The following UBE2E2 variants were observed in gnomAD, a reference collection of about 807,000 sequenced individuals.
The protein encoded by UBE2E2 is ubiquitin conjugating enzyme E2 E2, also known as ubiquitin-conjugating enzyme E2 E2.
UBE2E2 carries 6 observed loss-of-function variants against 24.7 expected under a neutral mutation model. The ratio of observed to expected loss-of-function variants is 0.24; its 90% CI spans 0.13 to 0.48. The LOEUF (loss-of-function observed/expected upper bound fraction) is 0.48. UBE2E2 is among the 20% of genes least tolerant of loss of function. The probability of loss-of-function intolerance (pLI) is 0.99; values close to 1 mark genes in which losing one functional copy is unlikely to be tolerated. For missense variants in UBE2E2, 169 were observed against 245.0 expected (o/e 0.69, Z 2.07); for synonymous variants, 104 against 83.6 (o/e 1.24, Z -1.33).
At chr3:23,357,646 T>C (rs1242821978) in intron 3 of UBE2E2, among the ~76,000 whole-genome samples, 3 of 152,180 alleles carry the variant, frequency 2.0e-5, no homozygotes, top group African/African-American at 7.2e-5. Flanking sequence ...TATCAGCAGC[T>C]TCTGTTTCCA....
chr3:23,349,999 C>G lies in UBE2E2; in HGVS notation c.227+132687C>G, dbSNP rs570681455. 2.0e-5 allele frequency among the ~76,000 whole-genome samples: 3 copies of G among 152,318 alleles called. 1 individual carries two copies. In the South Asian group the frequency reaches 6.2e-4, roughly 32 times the overall value. On this transcript the variant is annotated intron_variant, in intron 3 of 5. Transcript: ENST00000396703. ...GGAGGCAACCCCCAGTAGGGGCACA[C>G]TGACACCTCACACGGCCAGGTACTC... is the stretch of plus-strand genomic sequence containing the variant.
At chr3:23,538,286 TTCTG>T (rs1295829188) in intron 5 of UBE2E2, among the ~76,000 whole-genome samples, 36 of 152,274 alleles carry the variant, frequency 2.4e-4, no homozygotes, top group Non-Finnish European at 4.9e-4. Context: ...TTCTGTCAAC[TTCTG>T]TCTACCTGCT....
At chr3:23,226,766 A>C (rs577326975) in intron 3 of UBE2E2, among the ~76,000 whole-genome samples, 1 of 152,300 alleles carries the variant, frequency 6.6e-6, no homozygotes, top group South Asian at 2.1e-4. Context: ...AGGGTGTTAA[A>C]ATTACCAGTT....
chr3:23,252,680 A>G (rs941133316), intron 3 of UBE2E2, among the ~76,000 whole-genome samples: 6 of 152,126 alleles, frequency 3.9e-5, no homozygotes, highest in Admixed American at 6.5e-5. Flanking sequence ...TATTTTTAGT[A>G]GAGACGAGGT....
intron 5 of UBE2E2, among the ~76,000 whole-genome samples, chr3:23,549,964 C>T (rs1016056521): frequency 1.3e-5 from 2 of 150,428 alleles, no homozygotes; most frequent in Admixed American, 6.7e-5. Flanking sequence ...ACCTAGGAGG[C>T]GCAGGCTGTA....
At chr3:23,494,948 T>C (rs1699572424) in intron 3 of UBE2E2, among the ~76,000 whole-genome samples, 1 of 151,798 alleles carries the variant, frequency 6.6e-6, no homozygotes, top group African/African-American at 2.4e-5. Context: ...ATTTTTGTAT[T>C]TTTTTTAGTA....
intron 3 of UBE2E2, among the ~76,000 whole-genome samples, chr3:23,470,912 G>A (rs1447332647): frequency 6.6e-6 from 1 of 152,012 alleles, no homozygotes; most frequent in Non-Finnish European, 1.5e-5. Flanking sequence ...CTATTCTTAG[G>A]TATGGTTTTT....
chr3:23,304,733 G>A (rs1699194516), intron 3 of UBE2E2, among the ~76,000 whole-genome samples: 1 of 152,116 alleles, frequency 6.6e-6, no homozygotes, highest in African/African-American at 2.4e-5. Context: ...TAGGTTAATT[G>A]CTATGTGGAA....
intron 3 of UBE2E2, among the ~76,000 whole-genome samples, chr3:23,227,599 A>T (rs939714972): frequency 6.6e-6 from 1 of 152,208 alleles, no homozygotes; most frequent in Non-Finnish European, 1.5e-5. Flanking sequence ...TTTTTAATTC[A>T]ATCCTGTGAG....
chr3:23,468,769 C>T (rs189875548), intron 3 of UBE2E2, among the ~76,000 whole-genome samples: 154 of 152,294 alleles, frequency 1.0e-3, no homozygotes, highest in Middle Eastern at 6.8e-3. Context: ...TAAATAACTG[C>T]ATGCATCTTC....
intron 3 of UBE2E2, among the ~76,000 whole-genome samples, chr3:23,360,096 A>C (rs540453104): frequency 7.9e-5 from 12 of 152,264 alleles, no homozygotes; most frequent in African/African-American, 2.4e-4. Context: ...AGTATCCCCA[A>C]ATGGAAAGGC....
intron 3 of UBE2E2, among the ~76,000 whole-genome samples, chr3:23,343,010 A>C (rs1318165822): frequency 6.6e-6 from 1 of 152,106 alleles, no homozygotes. Context: ...TTGGTAGCAT[A>C]ACTAGTGGTC....
At chr3:23,356,128 A>G (rs1559359692) in intron 3 of UBE2E2, among the ~76,000 whole-genome samples, 1 of 152,206 alleles carries the variant, frequency 6.6e-6, no homozygotes, top group Non-Finnish European at 1.5e-5. Context: ...CTAAACTGCT[A>G]CTGGTACAGC....
chr3:23,436,476 C>T (rs1376724798), intron 3 of UBE2E2, among the ~76,000 whole-genome samples: 2 of 152,086 alleles, frequency 1.3e-5, no homozygotes, highest in South Asian at 2.1e-4. Flanking sequence ...AAAACTGGAG[C>T]GCTCTCATTT....
intron 4 of UBE2E2, among the ~76,000 whole-genome samples, chr3:23,516,125 A>T (rs923022043): frequency 2.0e-5 from 3 of 152,242 alleles, no homozygotes; most frequent in Non-Finnish European, 4.4e-5. Context: ...TGTATCTTGG[A>T]TACCAGTTAC....
intron 3 of UBE2E2, among the ~76,000 whole-genome samples, chr3:23,326,583 A>T (rs574400224): frequency 1.3e-5 from 2 of 152,348 alleles, no homozygotes; most frequent in African/African-American, 4.8e-5. Context: ...TTAATGTCAC[A>T]TATCCTATAC....
chr3:23,308,811 GCTCT>G (rs1379762597), intron 3 of UBE2E2, among the ~76,000 whole-genome samples: 2 of 152,144 alleles, frequency 1.3e-5, no homozygotes, highest in African/African-American at 4.8e-5. Context: ...CGGTAGCATG[GCTCT>G]CTCTAAGTCC....
At chr3:23,429,514 A>G (rs1402704550) in intron 3 of UBE2E2, among the ~76,000 whole-genome samples, 1 of 152,234 alleles carries the variant, frequency 6.6e-6, no homozygotes, top group South Asian at 2.1e-4. Flanking sequence ...CATCCCGTCA[A>G]CAGGCTAAAG....
At chr3:23,224,383 A>C (rs1289462648) in intron 3 of UBE2E2, among the ~76,000 whole-genome samples, 1 of 151,594 alleles carries the variant, frequency 6.6e-6, no homozygotes, top group African/African-American at 2.4e-5. Context: ...TTCTTTTGTT[A>C]GATTGATTCC....
Sources: gnomAD v4.1 joint callset for allele counts (sites outside exome capture counted in the v4.1 genomes callset) on GRCh38, gnomAD v4.1.1 for gene constraint, MANE v1.5 for transcripts, NCBI Gene and HGNC (gene_info 2026-07-23, HGNC 2026-07-21) for gene names.